Variants in SLC16A7 observed in about 807,000 individuals in gnomAD.
SLC16A7 encodes monocarboxylate transporter 2.
SLC16A7 carries 33 observed loss-of-function variants against 34.9 expected under a neutral mutation model. The observed-to-expected ratio is 0.94, with a 90% confidence interval of 0.72 to 1.26. SLC16A7 has a LOEUF of 1.26. Ranked by LOEUF, SLC16A7 falls within the 50% of genes most tolerant of loss-of-function variation. The pLI is 0.00. For missense variants in SLC16A7, 573 were observed against 578.1 expected (o/e 0.99, Z 0.09); for synonymous variants, 201 against 206.6 (o/e 0.97, Z 0.23).
chr12:59,656,561 C>T (rs1361469681), intron 2 of SLC16A7, among the ~76,000 whole-genome samples: 2 of 151,966 alleles, frequency 1.3e-5, no homozygotes, highest in African/African-American at 2.4e-5. Flanking sequence ...TTCAGTGAGA[C>T]CCATTTCAGA....
chr12:59,642,035 A>T (rs1175739776), intron 1 of SLC16A7, among the ~76,000 whole-genome samples: 1 of 152,096 alleles, frequency 6.6e-6, no homozygotes, highest in African/African-American at 2.4e-5. Flanking sequence ...GTATCAATTT[A>T]AAAAATTATA....
At chr12:59,721,865 T>C (rs531684848) in intron 3 of SLC16A7, among the ~76,000 whole-genome samples, 1 of 152,118 alleles carries the variant, frequency 6.6e-6, no homozygotes, top group African/African-American at 2.4e-5. Flanking sequence ...TACACTTAAA[T>C]ATTTTCTTTT....
At chr12:59,726,507 T>C (rs1262951018) in intron 3 of SLC16A7, among the ~76,000 whole-genome samples, 2 of 152,150 alleles carry the variant, frequency 1.3e-5, no homozygotes, top group Non-Finnish European at 2.9e-5. Context: ...GCTTTGTTTG[T>C]TTCATACAAT....
At chr12:59,723,082 G>C (rs1875799632) in intron 3 of SLC16A7, among the ~76,000 whole-genome samples, 1 of 151,866 alleles carries the variant, frequency 6.6e-6, no homozygotes, top group Non-Finnish European at 1.5e-5. Flanking sequence ...AATATCATGA[G>C]AGCAGAGATT....
intron 4 of SLC16A7, 136 bp downstream of exon 4, chr12:59,771,498 A>T: frequency 1.9e-6 from 1 of 530,174 alleles, no homozygotes. Flanking sequence ...AAATATTTTC[A>T]TCTAGTACAT....
intron 3 of SLC16A7, among the ~76,000 whole-genome samples, chr12:59,728,460 G>A (rs1416223541): frequency 1.3e-5 from 2 of 152,210 alleles, no homozygotes; most frequent in Non-Finnish European, 2.9e-5. Flanking sequence ...GCCCCTGGGA[G>A]ATGGATATGC....
intron 3 of SLC16A7, among the ~76,000 whole-genome samples, chr12:59,751,044 C>A (rs527553325): frequency 6.7e-6 from 1 of 148,678 alleles, no homozygotes; most frequent in African/African-American, 2.5e-5. Context: ...GGGAACATCA[C>A]ACACTGAGGC....
rs1592386294 is a variant in SLC16A7 at position 59,609,794 on chromosome 12, T to A, written c.-130+13558T>A. On this transcript the variant is annotated intron_variant, in intron 1 of 5. Coordinates refer to ENST00000547379, the MANE Select transcript of SLC16A7 (RefSeq NM_001270623.2). ...ATAACCGCTTGTGGTCTATAAAACCTAAATTTAAATATATGATTTTTTGGT... is the reference window on the plus strand; with the variant it reads ...ATAACCGCTTGTGGTCTATAAAACCAAAATTTAAATATATGATTTTTTGGT... 2.6e-5 allele frequency among the ~76,000 whole-genome samples: 4 copies of A among 152,336 alleles called. No homozygotes were observed. In the Middle Eastern group the frequency reaches 0.014, roughly 522 times the overall value.
Position 59,771,287 on chromosome 12 carries a change from T to C in SLC16A7, c.286T>C (p.Cys96Arg), listed in dbSNP as rs752263137. ...RPVVIAGGLL[C>R]CLGMVLASFS... is the part of the protein sequence containing the mutation. Reference sequence around the variant, plus strand: ...GGTGGTGATAGCAGGAGGCTTATTATGCTGTCTTGGAATGGTGTTGGCCTC... The same window carrying C: ...GGTGGTGATAGCAGGAGGCTTATTACGCTGTCTTGGAATGGTGTTGGCCTC... Residue 96 changes from cysteine to arginine, a missense_variant, in exon 4 of 6, where the codon TGC becomes CGC. By Grantham distance (180) the Cys-to-Arg change is radical (BLOSUM62 -3). Transcript: ENST00000547379. 1.9e-6 allele frequency: 3 copies of C among 1,613,576 alleles called. No homozygotes were observed. Among genetic ancestry groups the C allele is most frequent in the East Asian group, 4.5e-5 (2 of 44,830 alleles).
chr12:59,674,397 A>T (rs1870135336), intron 2 of SLC16A7, among the ~76,000 whole-genome samples: 1 of 152,172 alleles, frequency 6.6e-6, no homozygotes, highest in Non-Finnish European at 1.5e-5. Context: ...TAAATGATAG[A>T]AAGAGGCTTT....
chr12:59,674,076 C>A (rs1870107005), intron 2 of SLC16A7, among the ~76,000 whole-genome samples: 1 of 152,136 alleles, frequency 6.6e-6, no homozygotes, highest in African/African-American at 2.4e-5. Flanking sequence ...ATAACCTAAA[C>A]CTTACATCTG....
At chr12:59,598,780 G>C (rs1003425967) in intron 1 of SLC16A7, among the ~76,000 whole-genome samples, 1 of 152,132 alleles carries the variant, frequency 6.6e-6, no homozygotes, top group Non-Finnish European at 1.5e-5. Context: ...TTGAGTTGCA[G>C]TTTCTACTAC....
chr12:59,736,137 G>C (rs12824395), intron 3 of SLC16A7: 13,986 of 178,194 alleles, frequency 0.078, 704 homozygotes, highest in South Asian at 0.17. Flanking sequence ...TGAGAGCAAG[G>C]CTCCAGGGAC....
intron 1 of SLC16A7, among the ~76,000 whole-genome samples, chr12:59,654,611 TAA>T (rs1010699576): frequency 5.9e-5 from 9 of 151,966 alleles, no homozygotes; most frequent in Admixed American, 1.3e-4. Context: ...AATTTTTAAT[TAA>T]GACATTAATG....
At position 59,714,526 on chromosome 12, in the gene SLC16A7, A is replaced by G. The variant is rs182180532; in HGVS notation, c.217+9508A>G. Among the ~76,000 whole-genome samples the G allele has an allele frequency of 2.0e-5, 3 of 150,068 alleles. No homozygotes were observed. In the East Asian group the frequency reaches 5.9e-4, roughly 30 times the overall value. ...TGTCCTCACATGGTCTTTTCTTTGC[A>G]TGTGCACCCACCCCTGGTGTCTTTC... On this transcript the variant is annotated intron_variant, in intron 3 of 5. Transcript: ENST00000547379.
intron 1 of SLC16A7, among the ~76,000 whole-genome samples, chr12:59,638,952 A>C (rs1029487066): frequency 6.6e-6 from 1 of 152,176 alleles, no homozygotes; most frequent in Non-Finnish European, 1.5e-5. Flanking sequence ...TGAGTAATAC[A>C]TACATGAGCA....
At chr12:59,605,591 A>C (rs1156454484) in intron 1 of SLC16A7, among the ~76,000 whole-genome samples, 1 of 152,222 alleles carries the variant, frequency 6.6e-6, no homozygotes, top group East Asian at 1.9e-4. Flanking sequence ...GCTGTGTTCC[A>C]GACACTGTTT....
chr12:59,693,781 A>G (rs1180487700), intron 2 of SLC16A7, among the ~76,000 whole-genome samples: 1 of 151,912 alleles, frequency 6.6e-6, no homozygotes, highest in Non-Finnish European at 1.5e-5. Context: ...CCAGAGGAAT[A>G]AAATCGAAGA....
Position 59,789,178 on chromosome 12 carries a change from G to C in SLC16A7, c.*9499G>C, listed in dbSNP as rs896793926. The C allele has an allele frequency of 6.6e-6, 1 of 152,156 alleles. No individual in the cohort carries two copies. The highest frequency in any genetic ancestry group is 3.4e-3 in the Middle Eastern group (1 of 294). 9.4% of individuals were successfully genotyped at this position (152,156 alleles called of 1,614,324 possible). A position where few individuals can be genotyped will look rare whatever the true frequency, so the allele number is the denominator to read the frequency against. On this transcript the variant is annotated 3_prime_UTR_variant, in exon 6 of 6. Coordinates refer to ENST00000547379, the MANE Select transcript of SLC16A7 (RefSeq NM_001270623.2). ...AACTTTAATATCTAGCAAAGTGCCAGGCATAGAGTATTCCTTTATTGAAAT... is the reference window on the plus strand; with the variant it reads ...AACTTTAATATCTAGCAAAGTGCCACGCATAGAGTATTCCTTTATTGAAAT...
Sources: allele counts gnomAD v4.1 joint callset (sites outside exome capture counted in the v4.1 genomes callset), GRCh38; gene constraint gnomAD v4.1.1; transcripts MANE v1.5; gene names NCBI Gene and HGNC (gene_info 2026-07-23, HGNC 2026-07-21).